Variants in PYGB observed in about 807,000 individuals in gnomAD.
PYGB encodes glycogen phosphorylase B, also known as glycogen phosphorylase, brain form.
A neutral mutation model predicts 94.3 loss-of-function variants in PYGB; 82 were observed. The ratio of observed to expected loss-of-function variants is 0.87; its 90% CI spans 0.73 to 1.04. The LOEUF (loss-of-function observed/expected upper bound fraction) is 1.04. Ranked by LOEUF, PYGB falls within the 50% of genes least tolerant of loss-of-function variation. PYGB has a pLI of 0.00. For synonymous variants in PYGB, 488 were observed against 479.1 expected (o/e 1.02, Z -0.24); for missense variants, 1,132 against 1,158.2 (o/e 0.98, Z 0.33).
chr20:25,277,140 G>A, intron 6 of PYGB, 104 bp from the exon 7 acceptor site: 1 of 868,170 alleles, frequency 1.2e-6, no homozygotes. Context: ...GGGGAGTCCT[G>A]TGCTCGAGCG....
In PYGB at chr20:25,248,397, G is replaced by A; in HGVS notation, c.219G>A (p.Gln73=). 1.3e-6 allele frequency: 2 copies of A among 1,566,122 alleles called. No individual in the cohort carries two copies. The highest frequency in any genetic ancestry group is 1.7e-6 in the Non-Finnish European group (2 of 1,156,700). Residue 73 remains glutamine, a synonymous_variant, in exon 1 of 20, where the codon CAG becomes CAA. Coordinates refer to ENST00000216962, the MANE Select transcript of PYGB (RefSeq NM_002862.4). ...TGGGCCGCTGGATCCGCACGCAGCAGCACTACTACGAGCGCGACCCCAAGG... is the reference window on the plus strand; with the variant it reads ...TGGGCCGCTGGATCCGCACGCAGCAACACTACTACGAGCGCGACCCCAAGG... The part of the protein sequence containing the change: ...HLVGRWIRTQ[Q]HYYERDPKRI...
chr20:25,261,961 C>T (rs1019225578), intron 2 of PYGB, among the ~76,000 whole-genome samples: 5 of 152,056 alleles, frequency 3.3e-5, no homozygotes, highest in African/African-American at 1.2e-4. Flanking sequence ...ACAAAGCCTC[C>T]AAGAAATATG....
chr20:25,264,063 C>G (rs1298147774), intron 2 of PYGB, among the ~76,000 whole-genome samples: 1 of 152,188 alleles, frequency 6.6e-6, no homozygotes, highest in Non-Finnish European at 1.5e-5. Context: ...AGCAGCACAT[C>G]AAAAAGCTTA....
At chr20:25,265,358 A>G (rs1024133993) in intron 2 of PYGB, among the ~76,000 whole-genome samples, 2 of 152,202 alleles carry the variant, frequency 1.3e-5, no homozygotes, top group African/African-American at 4.8e-5. Flanking sequence ...AAAGGACACA[A>G]GAGTTCCAGT....
intron 12 of PYGB, among the ~76,000 whole-genome samples, chr20:25,282,560 G>A (rs1221289577): frequency 6.6e-6 from 1 of 152,192 alleles, no homozygotes; most frequent in Non-Finnish European, 1.5e-5. Context: ...GCCGCTGGGA[G>A]GGTGGGACCG....
intron 1 of PYGB, among the ~76,000 whole-genome samples, chr20:25,248,977 G>A (rs2092879684): frequency 6.6e-6 from 1 of 152,264 alleles, no homozygotes; most frequent in Non-Finnish European, 1.5e-5. Flanking sequence ...CAGAGATGGA[G>A]ATGGAGCCCT....
intron 4 of PYGB, 124 bp downstream of exon 4, chr20:25,271,610 C>A (rs1600728926): frequency 2.0e-6 from 2 of 1,015,854 alleles, no homozygotes; most frequent in East Asian, 2.5e-5. Context: ...CCGGCCAGGG[C>A]AATGTGGAGC....
chr20:25,284,097 C>A lies in PYGB; in HGVS notation c.1621-7C>A, dbSNP rs1260482752. 1 of 1,613,260 alleles carries A rather than the reference C, an allele frequency of 6.2e-7. No homozygotes were observed. Among genetic ancestry groups the A allele is most frequent in the Non-Finnish European group, 8.5e-7 (1 of 1,179,494 alleles). The stretch of plus-strand genomic sequence containing the variant: ...TCTCCAGCCATCTTTCCCTTTCACC[C>A]TCCCAGGAGAACAAGCTCAAGTTCT... On this transcript the variant is annotated splice_region_variant and splice_polypyrimidine_tract_variant and intron_variant, in intron 13 of 19. Transcript: ENST00000216962.
intron 18 of PYGB, chr20:25,294,945 CG>C: frequency 1.9e-6 from 3 of 1,613,756 alleles, no homozygotes; most frequent in Non-Finnish European, 2.5e-6. Context: ...TGCTGCTCTT[CG>C]ATGACCGTGT....
At chr20:25,290,748 G>C in intron 16 of PYGB, 126 bp downstream of exon 16, 1 of 1,350,090 alleles carries the variant, frequency 7.4e-7, no homozygotes, top group East Asian at 2.3e-5. Flanking sequence ...TAGCCAGCCG[G>C]GCTGCAGGCG....
intron 1 of PYGB, among the ~76,000 whole-genome samples, chr20:25,254,493 G>A (rs3787081): frequency 0.19 from 28,664 of 152,120 alleles, 3,114 homozygotes; most frequent in East Asian, 0.34. Flanking sequence ...ACGGTGAAGG[G>A]AAGAGAAGTG....
intron 17 of PYGB, chr20:25,293,883 A>G (rs2088498852): frequency 4.2e-6 from 2 of 475,538 alleles, no homozygotes; most frequent in Non-Finnish European, 7.7e-6. Context: ...ATCAGCCACT[A>G]TGTCCTAGCA....
rs150582502 is a variant in PYGB at position 25,292,528 on chromosome 20, G to A, written c.2092G>A (p.Val698Met). The A allele has an allele frequency of 4.0e-4, 652 of 1,613,466 alleles. 1 individual carries two copies. Among genetic ancestry groups the A allele is most frequent in the Non-Finnish European group, 5.3e-4 (624 of 1,180,022 alleles). The change falls in exon 17 of 20, where the codon GTG (valine) becomes ATG (methionine). Residue 698 changes from valine (V) to methionine (M), a missense_variant. By Grantham distance (21) the Val-to-Met change is conservative. Transcript: ENST00000216962. ...CATCGGCACCATGGACGGCGCCAAC[G>A]TGGAGATGGCCGAGGAGGCCGGGGC... ...LTIGTMDGANVEMAEEAGAEN... is the reference protein window; with the variant it reads ...LTIGTMDGANMEMAEEAGAEN...
chr20:25,276,577 C>A, intron 5 of PYGB, 69 bp from the exon 6 acceptor site: 1 of 1,363,674 alleles, frequency 7.3e-7, no homozygotes, highest in Non-Finnish European at 1.0e-6. Context: ...GGAGGCTGGG[C>A]CGGGGAGAGG....
chr20:25,277,158 T>G (rs1160951089), intron 6 of PYGB, 86 bp from the exon 7 acceptor site: 1 of 1,083,392 alleles, frequency 9.2e-7, no homozygotes, highest in African/African-American at 1.6e-5. Context: ...GCGAGTTTCC[T>G]TGGCCTTTGC....
At chr20:25,268,167 C>CCCCCCCG (rs772366458) in intron 2 of PYGB, among the ~76,000 whole-genome samples, 1 of 94,922 alleles carries the variant, frequency 1.1e-5, no homozygotes, top group Non-Finnish European at 2.1e-5. Flanking sequence ...ACCCGCCCCC[C>CCCCCCCG]CCCCATATCC....
chr20:25,269,778 G>T (rs2088249826), intron 3 of PYGB, among the ~76,000 whole-genome samples: 2 of 152,262 alleles, frequency 1.3e-5, no homozygotes, highest in Admixed American at 6.5e-5. Context: ...AGCCCCAGGG[G>T]TGGCCATTCA....
At chr20:25,283,662 G>C (rs919794701) in intron 13 of PYGB, among the ~76,000 whole-genome samples, 2 of 152,234 alleles carry the variant, frequency 1.3e-5, no homozygotes, top group Non-Finnish European at 2.9e-5. Flanking sequence ...ACCGGCAGCA[G>C]CCTCTCGGCT....
chr20:25,279,384 T>C (rs1055606947), intron 9 of PYGB, among the ~76,000 whole-genome samples: 1 of 152,094 alleles, frequency 6.6e-6, no homozygotes, highest in Non-Finnish European at 1.5e-5. Context: ...CTGTGACACT[T>C]CTCAGGGTTT....
Sources: gnomAD v4.1 joint callset for allele counts (sites outside exome capture counted in the v4.1 genomes callset) on GRCh38, gnomAD v4.1.1 for gene constraint, MANE v1.5 for transcripts, NCBI Gene and HGNC (gene_info 2026-07-23, HGNC 2026-07-21) for gene names.